The following ESRRB variants were observed in gnomAD, a reference collection of about 807,000 sequenced individuals.
ESRRB encodes the protein steroid hormone receptor ERR2.
ESRRB carries 16 observed loss-of-function variants against 46.0 expected under a neutral mutation model. The ratio of observed to expected loss-of-function variants is 0.35; its 90% CI spans 0.24 to 0.53. The LOEUF (loss-of-function observed/expected upper bound fraction) is 0.53. ESRRB is among the 20% of genes least tolerant of loss of function. ESRRB has a pLI of 0.93. For synonymous variants in ESRRB, 246 were observed against 259.6 expected, an observed-to-expected ratio of 0.95 and a Z score of 0.50; for missense variants, 488 against 607.4, an observed-to-expected ratio of 0.80 and a Z score of 2.07.
chr14:76,429,217 A>G (rs1887327911), intron 1 of ESRRB, among the ~76,000 whole-genome samples: 1 of 152,044 alleles, frequency 6.6e-6, no homozygotes, highest in Admixed American at 6.6e-5. Context: ...GCCTCCCCCA[A>G]AGCAGCCTGG....
chr14:76,352,755 C>T (rs1884328537), intron 1 of ESRRB, among the ~76,000 whole-genome samples: 1 of 152,230 alleles, frequency 6.6e-6, no homozygotes, highest in Admixed American at 6.5e-5. Flanking sequence ...TTTTCTATGT[C>T]CTCGGCCCCG....
chr14:76,481,575 A>G, intron 3 of ESRRB, among the ~76,000 whole-genome samples: 1 of 152,252 alleles, frequency 6.6e-6, no homozygotes, highest in East Asian at 1.9e-4. Context: ...GCGCCTCCTC[A>G]GATGCTTCTT....
chr14:76,435,181 G>A (rs943641946), intron 1 of ESRRB, among the ~76,000 whole-genome samples: 3 of 152,226 alleles, frequency 2.0e-5, no homozygotes, highest in Non-Finnish European at 4.4e-5. Context: ...GCTCCTGAGA[G>A]TGAGGAAAAC....
intron 1 of ESRRB, among the ~76,000 whole-genome samples, chr14:76,344,227 A>G (rs1884222828): frequency 6.6e-6 from 1 of 152,246 alleles, no homozygotes; most frequent in South Asian, 2.1e-4. Flanking sequence ...TATGTGCTCA[A>G]AATATTCACT....
intron 2 of ESRRB, among the ~76,000 whole-genome samples, chr14:76,447,582 G>A (rs1469324811): frequency 2.6e-5 from 4 of 152,062 alleles, no homozygotes; most frequent in Admixed American, 2.6e-4. Context: ...CCAGTTGCAC[G>A]AAGTCTTAAA....
intron 1 of ESRRB, among the ~76,000 whole-genome samples, chr14:76,359,527 A>T (rs1008946471): frequency 6.6e-6 from 1 of 152,110 alleles, no homozygotes; most frequent in Non-Finnish European, 1.5e-5. Flanking sequence ...CATTGCCCAG[A>T]GAGTTGAGTA....
intron 5 of ESRRB, among the ~76,000 whole-genome samples, 156 bp from the exon 6 acceptor site, chr14:76,491,291 C>T (rs758191642): frequency 2.6e-5 from 4 of 152,198 alleles, no homozygotes; most frequent in East Asian, 1.9e-4. Context: ...GTGAGTCTTA[C>T]GCTACACAGG....
chr14:76,462,786 T>C (rs1021432545), intron 3 of ESRRB, 125 bp downstream of exon 3: 1 of 789,910 alleles, frequency 1.3e-6, no homozygotes, highest in South Asian at 1.3e-5. Context: ...TGAGCGCCCA[T>C]CTCCTCCCAC....
chr14:76,370,140 C>A (rs554023451), upstream of ESRRB, among the ~76,000 whole-genome samples: 18 of 151,992 alleles, frequency 1.2e-4, no homozygotes, highest in African/African-American at 4.3e-4. Flanking sequence ...CCTGTAATCC[C>A]AGCACTTTGG....
chr14:76,445,772 C>T (rs1466207797), intron 2 of ESRRB, among the ~76,000 whole-genome samples: 1 of 151,356 alleles, frequency 6.6e-6, no homozygotes, highest in African/African-American at 2.4e-5. Context: ...TCAACCTCGG[C>T]CTCCCAGGCT....
At chr14:76,395,419 C>T (rs554337705) in intron 1 of ESRRB, among the ~76,000 whole-genome samples, 15 of 152,250 alleles carry the variant, frequency 9.9e-5, no homozygotes, top group Non-Finnish European at 1.3e-4. Context: ...TCCGGACTCA[C>T]GGCCCACACT....
intron 1 of ESRRB, among the ~76,000 whole-genome samples, chr14:76,391,032 C>T (rs955845840): frequency 6.6e-6 from 1 of 152,156 alleles, no homozygotes; most frequent in Non-Finnish European, 1.5e-5. Flanking sequence ...CTGGGCTGTG[C>T]GGTCATGCCC....
intron 1 of ESRRB, among the ~76,000 whole-genome samples, chr14:76,391,800 C>A (rs1006053937): frequency 5.9e-5 from 9 of 152,176 alleles, no homozygotes; most frequent in Non-Finnish European, 1.2e-4. Flanking sequence ...GTTCACTGTC[C>A]AAGAGTGCCT....
rs1889850783 is a variant in ESRRB at position 76,482,569 on chromosome 14, A to G, written c.689-29A>G. ...CCGGCCCCTTTCCTCTTTTCCCAGC[A>G]TTTACCTTTCCCTCTTTGGTTGTTG... On this transcript the variant is annotated intron_variant, in intron 4 of 6. Coordinates refer to ENST00000644823, the MANE Select transcript of ESRRB (RefSeq NM_001379180.1). This position sits in a 1 kb window ranked among gnomAD's most constrained non-coding sequence, Gnocchi z 4.3. The G allele has an allele frequency of 2.5e-6, 4 of 1,613,008 alleles. No homozygotes were observed. The highest frequency in any genetic ancestry group is 1.7e-6 in the Non-Finnish European group (2 of 1,179,618).
chr14:76,312,934 G>A (rs1217200575), intron 1 of ESRRB, among the ~76,000 whole-genome samples: 1 of 152,152 alleles, frequency 6.6e-6, no homozygotes, highest in Non-Finnish European at 1.5e-5. Flanking sequence ...CCTGCACACT[G>A]GAGCCTGCCT....
At chr14:76,399,605 G>A (rs552167594) in intron 1 of ESRRB, among the ~76,000 whole-genome samples, 3 of 152,336 alleles carry the variant, frequency 2.0e-5, no homozygotes, top group South Asian at 2.1e-4. Context: ...TAGGGAATTA[G>A]CTGGGTGACA....
intron 1 of ESRRB, among the ~76,000 whole-genome samples, chr14:76,327,196 TTGCATATGCAGC>T (rs1223683168): frequency 6.6e-6 from 1 of 152,206 alleles, no homozygotes; most frequent in Non-Finnish European, 1.5e-5. Context: ...CTGGTGTCTC[TTGCATATGCAGC>T]TGCCTGCGTG....
At chr14:76,373,093 G>A (rs2361328), upstream of ESRRB, among the ~76,000 whole-genome samples, 5 of 152,164 alleles carry the variant, frequency 3.3e-5, no homozygotes, top group African/African-American at 9.7e-5. Context: ...CAAAAACAAC[G>A]TGAGCTGCTG....
At chr14:76,372,553 G>A (rs867693692), upstream of ESRRB, among the ~76,000 whole-genome samples, 12 of 152,230 alleles carry the variant, frequency 7.9e-5, no homozygotes, top group South Asian at 6.2e-4. Flanking sequence ...GCAGAGTGGC[G>A]GGTCATGGTG....
Sources: allele counts gnomAD v4.1 joint callset (sites outside exome capture counted in the v4.1 genomes callset), GRCh38; gene constraint gnomAD v4.1.1; non-coding constraint Gnocchi (gnomAD v3.1); transcripts MANE v1.5; gene names NCBI Gene and HGNC (gene_info 2026-07-23, HGNC 2026-07-21).